CTNNAL1: variants seen among roughly 807,000 people sequenced by gnomAD.
CTNNAL1 encodes catenin alpha like 1.
A neutral mutation model predicts 93.6 loss-of-function variants in CTNNAL1; 69 were observed. The observed-to-expected ratio is 0.74, with a 90% CI of 0.61 to 0.90. The LOEUF (loss-of-function observed/expected upper bound fraction) is 0.90. Among genes scored for constraint, CTNNAL1 ranks in the 40% least tolerant of loss-of-function variants. The pLI is 0.00. For missense variants in CTNNAL1, 836 were observed against 862.0 expected (o/e 0.97, Z 0.38); for synonymous variants, 286 against 305.4 (o/e 0.94, Z 0.66).
At chr9:108,960,397 A>T (rs1461137444) in intron 11 of CTNNAL1, among the ~76,000 whole-genome samples, 3 of 152,144 alleles carry the variant, frequency 2.0e-5, no homozygotes, top group Admixed American at 2.0e-4. Context: ...GGCTCCTACC[A>T]TCCCCAAACA....
chr9:108,995,930 T>G (rs1831999381), intron 2 of CTNNAL1, among the ~76,000 whole-genome samples: 1 of 151,844 alleles, frequency 6.6e-6, no homozygotes, highest in African/African-American at 2.4e-5. Flanking sequence ...AGCACTAGGA[T>G]TAAAGTCTAG....
chr9:108,965,462 C>T lies in CTNNAL1; in HGVS notation c.1507G>A (p.Val503Ile). ...SSKIAKENLD[V>I]FCEAWESQIS... ...TGGGATTCCCAAGCTTCACAAAATA[C>T]ATCTAGGTTTTCTTTAGCAATTTTA... Residue 503 changes from valine (V) to isoleucine (I), a missense_variant, in exon 11 of 19, where the codon GTA becomes ATA. Transcript: ENST00000325551. 1.3e-6 allele frequency: 2 copies of T among 1,595,312 alleles called. No individual in the cohort carries two copies. The highest frequency in any genetic ancestry group is 1.7e-6 in the Non-Finnish European group (2 of 1,171,812).
chr9:108,959,413 C>T (rs1037431177), intron 11 of CTNNAL1, among the ~76,000 whole-genome samples: 4 of 141,562 alleles, frequency 2.8e-5, no homozygotes, highest in Non-Finnish European at 6.1e-5. Context: ...CACAGCGAGA[C>T]TCCCATCTCT....
chr9:108,972,865 A>AAAAG, intron 8 of CTNNAL1, 32 bp from the exon 9 acceptor site: 1 of 219,282 alleles, frequency 4.6e-6, no homozygotes, highest in Non-Finnish European at 6.2e-6. Context: ...GGGGGGTGGG[A>AAAAG]GGGTGGAGAA....
intron 4 of CTNNAL1, among the ~76,000 whole-genome samples, chr9:108,985,434 A>G (rs747498795): frequency 1.2e-4 from 19 of 152,376 alleles, no homozygotes; most frequent in Non-Finnish European, 2.5e-4. Flanking sequence ...AAATAAGTAA[A>G]ACCTAAAGTT....
At chr9:108,984,570 T>C (rs992696432) in intron 4 of CTNNAL1, 134 bp from the exon 5 acceptor site, 5 of 547,138 alleles carry the variant, frequency 9.1e-6, no homozygotes, top group African/African-American at 4.1e-5. Flanking sequence ...AAAACCAGGA[T>C]AAAGTTTTAC....
intron 11 of CTNNAL1, among the ~76,000 whole-genome samples, chr9:108,961,530 C>CG (rs1234534715): frequency 6.6e-6 from 1 of 152,160 alleles, no homozygotes; most frequent in African/African-American, 2.4e-5. Context: ...TGAGGCGTTT[C>CG]CCACGTAAGA....
At position 108,972,724 on chromosome 9, in the gene CTNNAL1, A is replaced by C. The variant is rs761895523; in HGVS notation, c.1298T>G (p.Leu433Trp). Residue 433 changes from leucine to tryptophan, a missense_variant, in exon 9 of 19, where the codon TTG becomes TGG. Leu to Trp is a moderately conservative substitution (Grantham distance 61). Coordinates refer to ENST00000325551, the MANE Select transcript of CTNNAL1 (RefSeq NM_003798.4). Reference sequence around the variant, plus strand: ...AGAGAGTTTACAGGCATATTCAGCCAAAGCTTCTAAATTTCCTTCTACTCC... The same window carrying C: ...AGAGAGTTTACAGGCATATTCAGCCCAAGCTTCTAAATTTCCTTCTACTCC... ...LTGVEGNLEA[L>W]AEYACKLSEQ... 4 of 1,613,928 alleles carry C rather than the reference A, an allele frequency of 2.5e-6. No homozygotes were observed. The highest frequency in any genetic ancestry group is 1.6e-4 in the Middle Eastern group (1 of 6,078).
Position 108,980,785 on chromosome 9 carries a change from T to C in CTNNAL1, c.901-1304A>G, listed in dbSNP as rs1831405045. ...AATTAAAACATAAAAATCAGTTATA[T>C]TGGTCTCATACCATTTATGTTAAGG... On this transcript the variant is annotated intron_variant, in intron 6 of 18. Transcript: ENST00000325551. Among the ~76,000 whole-genome samples the C allele has an allele frequency of 2.6e-5, 4 of 152,242 alleles. No individual in the cohort carries two copies. The South Asian group carries it at 8.3e-4, about 32-fold the overall frequency.
At position 109,013,316 on chromosome 9, in the gene CTNNAL1, G is replaced by A. The variant is rs1292892627; in HGVS notation, c.127C>T (p.Pro43Ser). 10 of 1,510,942 alleles carry A rather than the reference G, an allele frequency of 6.6e-6. No individual in the cohort carries two copies. The South Asian group carries it at 1.0e-4, about 15-fold the overall frequency. The allele number at this position is 1,510,942 out of a possible 1,614,324, so 93.6% of individuals were successfully genotyped here. Residue 43 changes from proline (P) to serine (S), a missense_variant, in exon 1 of 19, where the codon CCG (proline) becomes TCG (serine). Coordinates refer to ENST00000325551, the MANE Select transcript of CTNNAL1 (RefSeq NM_003798.4). ...CGCCACTTTACCTGAGAAACCAGCG[G>A]GAGTAGCGTCTGCTCCACCGAGCGA... ...KTRSVEQTLL[P>S]LVSQITTLIN...
At position 108,950,477 on chromosome 9, in the gene CTNNAL1, A is replaced by G. The variant is rs887474073; in HGVS notation, c.1835+1732T>C. On this transcript the variant is annotated intron_variant, in intron 14 of 18. Coordinates refer to ENST00000325551, the MANE Select transcript of CTNNAL1 (RefSeq NM_003798.4). The stretch of plus-strand genomic sequence containing the variant: ...CAGCTAAACAGCAGCAAAATTTCTA[A>G]CTCCTATCATTTCTGCCTTCTTTTT... The G allele has an allele frequency of 3.2e-6, 5 of 1,543,944 alleles. No individual in the cohort carries two copies. In the African/African-American group the frequency reaches 6.9e-5, roughly 21 times the overall value.
intron 2 of CTNNAL1, among the ~76,000 whole-genome samples, chr9:108,998,848 G>A (rs752743856): frequency 2.0e-5 from 3 of 152,112 alleles, no homozygotes; most frequent in South Asian, 4.2e-4. Flanking sequence ...GAGGATGGCC[G>A]ATCACTAACT....
intron 4 of CTNNAL1, among the ~76,000 whole-genome samples, chr9:108,988,982 T>C (rs79097428): frequency 2.0e-3 from 302 of 152,286 alleles, no homozygotes; most frequent in African/African-American, 7.0e-3. Flanking sequence ...GTAGCACTTA[T>C]CAAACACAGA....
In CTNNAL1 at chr9:108,942,746, A is replaced by C; in HGVS notation, c.*23T>G. 3 of 1,444,510 alleles carry C rather than the reference A, an allele frequency of 2.1e-6. No homozygotes were observed. The highest frequency in any genetic ancestry group is 1.2e-5 in the South Asian group (1 of 85,272). 89.5% of individuals were successfully genotyped at this position (1,444,510 alleles called of 1,614,324 possible). A position where few individuals can be genotyped will look rare whatever the true frequency, so the allele number is the denominator to read the frequency against. On this transcript the variant is annotated 3_prime_UTR_variant, in exon 19 of 19. Coordinates refer to ENST00000325551, the MANE Select transcript of CTNNAL1 (RefSeq NM_003798.4). ...TGTCAGCTTCATCACATGATGTTCCAGAGATCTGACCCCAAAAGCTTCTCA... is the reference window on the plus strand; with the variant it reads ...TGTCAGCTTCATCACATGATGTTCCCGAGATCTGACCCCAAAAGCTTCTCA...
At chr9:108,969,787 G>A (rs1009864252) in intron 10 of CTNNAL1, among the ~76,000 whole-genome samples, 10 of 152,096 alleles carry the variant, frequency 6.6e-5, no homozygotes, top group Admixed American at 6.6e-5. Flanking sequence ...TGAGTAGCTA[G>A]GACTATAGGT....
chr9:108,990,819 C>A lies in CTNNAL1; in HGVS notation c.546G>T (p.Glu182Asp), dbSNP rs201170600. ...CAAACTCTTGAAAGCTATTCACTTTCTCTAGTCTTTCCATAGTTGCGAGAA... is the reference window on the plus strand; with the variant it reads ...CAAACTCTTGAAAGCTATTCACTTTATCTAGTCTTTCCATAGTTGCGAGAA... ...NKVLATMERL[E>D]KVNSFQEFVQ... Residue 182 changes from glutamate to aspartate, a missense_variant, in exon 4 of 19, where the codon GAG becomes GAT. Transcript: ENST00000325551. 3 of 1,613,274 alleles carry A rather than the reference C, an allele frequency of 1.9e-6. No individual in the cohort carries two copies. Among genetic ancestry groups the A allele is most frequent in the Non-Finnish European group, 2.5e-6 (3 of 1,179,836 alleles).
At chr9:108,944,874 CT>C (rs1830356034) in intron 15 of CTNNAL1, among the ~76,000 whole-genome samples, 1 of 152,184 alleles carries the variant, frequency 6.6e-6, no homozygotes, top group Non-Finnish European at 1.5e-5. Flanking sequence ...CTTGCTATCA[CT>C]GGATAAAATG....
At chr9:108,968,015 T>C (rs1383356149) in intron 10 of CTNNAL1, among the ~76,000 whole-genome samples, 4 of 152,146 alleles carry the variant, frequency 2.6e-5, no homozygotes, top group South Asian at 2.1e-4. Context: ...GGGGTGGGCA[T>C]AGTGTCACAG....
At chr9:108,988,089 CTT>C (rs1831672113) in intron 4 of CTNNAL1, among the ~76,000 whole-genome samples, 1 of 152,168 alleles carries the variant, frequency 6.6e-6, no homozygotes, top group Non-Finnish European at 1.5e-5. Context: ...ACCACTGCCA[CTT>C]TCTTTTCCTT....
Sources: gnomAD v4.1 joint callset for allele counts (sites outside exome capture counted in the v4.1 genomes callset) on GRCh38, gnomAD v4.1.1 for gene constraint, MANE v1.5 for transcripts, NCBI Gene and HGNC (gene_info 2026-07-23, HGNC 2026-07-21) for gene names.